The following PIEZO2 variants were observed in gnomAD, a reference collection of about 807,000 sequenced individuals.
PIEZO2 encodes the protein piezo-type mechanosensitive ion channel component 2.
In PIEZO2, 172 loss-of-function variants were observed where a neutral mutation model predicts 337.3. That is an observed-to-expected ratio of 0.51 (90% confidence interval 0.45 to 0.58). The LOEUF (loss-of-function observed/expected upper bound fraction) is 0.58. PIEZO2 is among the 20% of genes least tolerant of loss of function. PIEZO2 has a pLI of 0.00. For missense variants in PIEZO2, 3,028 were observed against 3,391.3 expected, an observed-to-expected ratio of 0.89 and a Z score of 2.66; for synonymous variants, 1,251 against 1,228.5, an observed-to-expected ratio of 1.02 and a Z score of -0.38.
At position 10,726,550 on chromosome 18, in the gene PIEZO2, C is replaced by A. The variant is rs1477131293; in HGVS notation, c.5029+4857G>T. 4.9e-6 allele frequency: 7 copies of A among 1,418,778 alleles called. No individual in the cohort carries two copies. Among genetic ancestry groups the A allele is most frequent in the Non-Finnish European group, 6.5e-6 (7 of 1,071,350 alleles). The allele number at this position is 1,418,778 out of a possible 1,614,324, so 87.9% of individuals were successfully genotyped here. On this transcript the variant is annotated intron_variant, in intron 36 of 55. Transcript: ENST00000674853. This position sits in a 1 kb window ranked among gnomAD's most constrained non-coding sequence, Gnocchi z 5.9. ...CGCTGCTCTGCTCTGCTACACCAGCCGCCACGCTGTGCGTCTGTCCTTCCG... is the reference window on the plus strand; with the variant it reads ...CGCTGCTCTGCTCTGCTACACCAGCAGCCACGCTGTGCGTCTGTCCTTCCG...
intron 7 of PIEZO2, among the ~76,000 whole-genome samples, chr18:10,810,717 T>G (rs1598515356): frequency 1.3e-5 from 2 of 152,310 alleles, no homozygotes; most frequent in East Asian, 3.9e-4. Context: ...AGCTATGACT[T>G]TTCTGGAGTC....
rs756691333 is a variant in PIEZO2 at position 10,853,621 on chromosome 18, A to G, written c.917+1732T>C. Reference sequence around the variant, plus strand: ...AACTGTCAATTATGAACCTTTCCTCATGCAAAGAAAAGTTCAAATAGGACA... The same window carrying G: ...AACTGTCAATTATGAACCTTTCCTCGTGCAAAGAAAAGTTCAAATAGGACA... On this transcript the variant is annotated intron_variant, in intron 7 of 55. Coordinates refer to ENST00000674853, the MANE Select transcript of PIEZO2 (RefSeq NM_001378183.1). This position sits in a 1 kb window ranked among gnomAD's most constrained non-coding sequence, Gnocchi z 4.2. 2.0e-5 allele frequency among the ~76,000 whole-genome samples: 3 copies of G among 152,166 alleles called. No individual in the cohort carries two copies. The highest frequency in any genetic ancestry group is 4.4e-5 in the Non-Finnish European group (3 of 68,026).
intron 3 of PIEZO2, among the ~76,000 whole-genome samples, chr18:10,926,135 GT>G (rs1343211970): frequency 1.3e-5 from 2 of 152,194 alleles, no homozygotes; most frequent in South Asian, 2.1e-4. Flanking sequence ...GCCTACACGA[GT>G]AGACTTGAGT....
At position 10,759,046 on chromosome 18, in the gene PIEZO2, G is replaced by A. The variant is rs902284420; in HGVS notation, c.3757+436C>T. Among the ~76,000 whole-genome samples the A allele has an allele frequency of 6.6e-6, 1 of 152,182 alleles. No homozygotes were observed. The highest frequency in any genetic ancestry group is 2.4e-5 in the African/African-American group (1 of 41,440). ...GCCATGGGAAGGCCTTGGGGCTGCAGCCCAATTCTAGAGCAACTAAAATCT... is the reference window on the plus strand; with the variant it reads ...GCCATGGGAAGGCCTTGGGGCTGCAACCCAATTCTAGAGCAACTAAAATCT... On this transcript the variant is annotated intron_variant, in intron 26 of 55. Transcript: ENST00000674853. This position sits in a 1 kb window ranked among gnomAD's most constrained non-coding sequence, Gnocchi z 5.5.
At chr18:10,976,303 A>G (rs2034438298) in intron 3 of PIEZO2, among the ~76,000 whole-genome samples, 1 of 152,088 alleles carries the variant, frequency 6.6e-6, no homozygotes, top group Admixed American at 6.5e-5. Context: ...AAACTAAACC[A>G]AAAAAATCTA....
Position 11,031,502 on chromosome 18 carries a change from A to G in PIEZO2, c.160+34625T>C, listed in dbSNP as rs1214271372. 6.6e-6 allele frequency among the ~76,000 whole-genome samples: 1 copy of G among 152,210 alleles called. No individual in the cohort carries two copies. Among genetic ancestry groups the G allele is most frequent in the African/African-American group, 2.4e-5 (1 of 41,458 alleles). On this transcript the variant is annotated intron_variant, in intron 2 of 55. Transcript: ENST00000674853. The surrounding 1 kb of genome is among the most constrained non-coding windows in gnomAD (Gnocchi z 4.7). ...TTTCTTCAAAATAGCTGAATTTTAT[A>G]ACACTGGAACTTATACTATTTGATA...
At chr18:10,822,887 A>G (rs1158424487) in intron 7 of PIEZO2, among the ~76,000 whole-genome samples, 1 of 152,260 alleles carries the variant, frequency 6.6e-6, no homozygotes, top group Non-Finnish European at 1.5e-5. Context: ...TAACATTTAT[A>G]TCTAACCCAG....
At position 10,830,230 on chromosome 18, in the gene PIEZO2, G is replaced by A. The variant is rs910113195; in HGVS notation, c.918-22956C>T. Among the ~76,000 whole-genome samples the A allele has an allele frequency of 7.9e-5, 12 of 152,120 alleles. No homozygotes were observed. Among genetic ancestry groups the A allele is most frequent in the Non-Finnish European group, 1.5e-4 (10 of 68,024 alleles). ...TCAATAAATGGTGCTGGGAAAACTG[G>A]ATATCCATACGCAGAAGATTAACAC... On this transcript the variant is annotated intron_variant, in intron 7 of 55. Transcript: ENST00000674853. The surrounding 1 kb of genome is among the most constrained non-coding windows in gnomAD (Gnocchi z 4.7).
chr18:10,881,960 A>AGGACAGT (rs1349331333), intron 4 of PIEZO2, among the ~76,000 whole-genome samples: 1 of 152,206 alleles, frequency 6.6e-6, no homozygotes, highest in African/African-American at 2.4e-5. Context: ...TCATCATCCC[A>AGGACAGT]GGACAGTGAC....
In PIEZO2 at chr18:11,111,683, T is replaced by C. The variant is rs918654478; in HGVS notation, c.64+36842A>G. On this transcript the variant is annotated intron_variant, in intron 1 of 55. Transcript: ENST00000674853. The surrounding 1 kb of genome is among the most constrained non-coding windows in gnomAD (Gnocchi z 6.2). ...CACATGACATCCAATCCCCACTTAA[T>C]TGAAGTCGACAAGGCTTCTTGAACT... 4.6e-5 allele frequency among the ~76,000 whole-genome samples: 7 copies of C among 152,178 alleles called. No homozygotes were observed. The highest frequency in any genetic ancestry group is 1.7e-4 in the African/African-American group (7 of 41,428).
chr18:10,898,793 G>T (rs978711090), intron 4 of PIEZO2, among the ~76,000 whole-genome samples: 1 of 152,126 alleles, frequency 6.6e-6, no homozygotes, highest in Admixed American at 6.6e-5. Flanking sequence ...CAATCTTTCA[G>T]CCACAGGAAG....
rs966395927 is a variant in PIEZO2 at position 10,988,817 on chromosome 18, T to C, written c.161-9157A>G. 3.3e-5 allele frequency among the ~76,000 whole-genome samples: 5 copies of C among 152,186 alleles called. No homozygotes were observed. Among genetic ancestry groups the C allele is most frequent in the African/African-American group, 1.2e-4 (5 of 41,520 alleles). ...CATGGAGGGAGGGCATTACGTTAAG[T>C]GAAATAAGCTAGACACAAACAAATA... On this transcript the variant is annotated intron_variant, in intron 2 of 55. Coordinates refer to ENST00000674853, the MANE Select transcript of PIEZO2 (RefSeq NM_001378183.1). The surrounding 1 kb of genome is among the most constrained non-coding windows in gnomAD (Gnocchi z 4.8).
At chr18:10,757,237 G>A (rs141856603) in intron 27 of PIEZO2, among the ~76,000 whole-genome samples, 88 of 148,992 alleles carry the variant, frequency 5.9e-4, no homozygotes, top group African/African-American at 2.2e-3. Context: ...GGAGGAAAGG[G>A]GGATGAGGAT....
In PIEZO2 at chr18:10,824,171, G is replaced by A. The variant is rs1422761131; in HGVS notation, c.918-16897C>T. 6.6e-6 allele frequency among the ~76,000 whole-genome samples: 1 copy of A among 152,068 alleles called. No individual in the cohort carries two copies. Among genetic ancestry groups the A allele is most frequent in the Non-Finnish European group, 1.5e-5 (1 of 68,004 alleles). On this transcript the variant is annotated intron_variant, in intron 7 of 55. Coordinates refer to ENST00000674853, the MANE Select transcript of PIEZO2 (RefSeq NM_001378183.1). This position sits in a 1 kb window ranked among gnomAD's most constrained non-coding sequence, Gnocchi z 4.4. ...TTTAACTTCTGGGTAGTATTTCATT[G>A]CATAAATAAACCACAGACTACTCTA... is the stretch of plus-strand genomic sequence containing the variant.
intron 54 of PIEZO2, 53 bp downstream of exon 54, chr18:10,675,156 T>G: frequency 1.6e-6 from 2 of 1,286,312 alleles, no homozygotes; most frequent in East Asian, 4.8e-5. Flanking sequence ...CTGTTGAAAT[T>G]GAATAAAACT....
Position 11,148,678 on chromosome 18 carries a change from C to G in PIEZO2, c.-90G>C. The G allele has an allele frequency of 7.2e-7, 1 of 1,381,690 alleles. No individual in the cohort carries two copies. Among genetic ancestry groups the G allele is most frequent in the Admixed American group, 2.0e-5 (1 of 48,946 alleles). The allele number at this position is 1,381,690 out of a possible 1,614,324, so 85.6% of individuals were successfully genotyped here. A position where few individuals can be genotyped will look rare whatever the true frequency, so the allele number is the denominator to read the frequency against. On this transcript the variant is annotated 5_prime_UTR_variant, in exon 1 of 56. Coordinates refer to ENST00000674853, the MANE Select transcript of PIEZO2 (RefSeq NM_001378183.1). The surrounding 1 kb of genome is among the most constrained non-coding windows in gnomAD (Gnocchi z 5.2). ...CAAGGCCCATGCCCGTCTATGGCCT[C>G]TCGCCGCCGGCAGCTCGCAGCCACC...
intron 2 of PIEZO2, among the ~76,000 whole-genome samples, chr18:11,008,808 C>T (rs1159900695): frequency 1.3e-5 from 2 of 152,182 alleles, no homozygotes; most frequent in African/African-American, 2.4e-5. Flanking sequence ...GAGGGGGTGA[C>T]AGGCCAGCTA....
In PIEZO2 at chr18:11,116,478, C is replaced by T. The variant is rs940331310; in HGVS notation, c.64+32047G>A. On this transcript the variant is annotated intron_variant, in intron 1 of 55. Coordinates refer to ENST00000674853, the MANE Select transcript of PIEZO2 (RefSeq NM_001378183.1). This position sits in a 1 kb window ranked among gnomAD's most constrained non-coding sequence, Gnocchi z 5.0. Reference sequence around the variant, plus strand: ...CCTGTAAACCCAGCACTTTGGGAGGCCGAGCTGGGCGGATCACGATGTCAG... The same window carrying T: ...CCTGTAAACCCAGCACTTTGGGAGGTCGAGCTGGGCGGATCACGATGTCAG... Among the ~76,000 whole-genome samples the T allele has an allele frequency of 4.0e-5, 6 of 151,890 alleles. No individual in the cohort carries two copies. The highest frequency in any genetic ancestry group is 3.9e-4 in the Admixed American group (6 of 15,260).
At position 11,009,271 on chromosome 18, in the gene PIEZO2, A is replaced by T. The variant is rs1322242032; in HGVS notation, c.161-29611T>A. 2.0e-5 allele frequency among the ~76,000 whole-genome samples: 3 copies of T among 152,224 alleles called. No individual in the cohort carries two copies. Among genetic ancestry groups the T allele is most frequent in the Non-Finnish European group, 4.4e-5 (3 of 68,040 alleles). On this transcript the variant is annotated intron_variant, in intron 2 of 55. Transcript: ENST00000674853. The surrounding 1 kb of genome is among the most constrained non-coding windows in gnomAD (Gnocchi z 4.6). ...GTCTCTGAAGAGTGCTGGGCTTCAC[A>T]AGCCCTGATGTGCATTGAAGCCCCT...
Sources: gnomAD v4.1 joint callset for allele counts (sites outside exome capture counted in the v4.1 genomes callset) on GRCh38, gnomAD v4.1.1 for gene constraint, Gnocchi (gnomAD v3.1) non-coding constraint, MANE v1.5 for transcripts, NCBI Gene and HGNC (gene_info 2026-07-23, HGNC 2026-07-21) for gene names.